The following ZNF263 variants were observed in gnomAD, a reference collection of about 807,000 sequenced individuals.
ZNF263 encodes zinc finger protein FPM315.
Under a neutral mutation model 63.1 loss-of-function variants are expected in ZNF263, and 49 were observed. The ratio of observed to expected loss-of-function variants is 0.78; its 90% CI spans 0.62 to 0.99. ZNF263 has a LOEUF of 0.99. Ranked by LOEUF, ZNF263 falls within the 50% of genes least tolerant of loss-of-function variation. ZNF263 has a pLI of 0.00. For missense variants in ZNF263, 872 were observed against 854.8 expected, an observed-to-expected ratio of 1.02 and a Z score of -0.25; for synonymous variants, 352 against 324.2, an observed-to-expected ratio of 1.09 and a Z score of -0.92.
In ZNF263 at chr16:3,297,033, A is replaced by C. The variant is rs8052682; in HGVS notation, c.152-2073A>C. 2.3e-3 allele frequency among the ~76,000 whole-genome samples: 352 copies of C among 152,036 alleles called. 3 individuals carry two copies. The highest frequency in any genetic ancestry group is 8.2e-3 in the African/African-American group (338 of 41,452). On this transcript the variant is annotated intron_variant, in intron 1 of 2. Transcript: ENST00000574674. ...TCATTAAAATTCACAGGCCGGGCGC[A>C]GTGGCTCACACCCGTAATCGCAGCA... is the stretch of plus-strand genomic sequence containing the variant.
Position 3,283,881 on chromosome 16 carries a change from C to T in ZNF263, c.63C>T (p.Asp21=), listed in dbSNP as rs1959240311. 2 of 1,609,508 alleles carry T rather than the reference C, an allele frequency of 1.2e-6. No individual in the cohort carries two copies. The highest frequency in any genetic ancestry group is 1.7e-6 in the Non-Finnish European group (2 of 1,178,386). Reference sequence around the variant, plus strand: ...TCCTGATAGTGAAGCTGGAGGAGGACTGCGCCTGGAGCCAGGAGCTGCCCC... The same window carrying T: ...TCCTGATAGTGAAGCTGGAGGAGGATTGCGCCTGGAGCCAGGAGCTGCCCC... ...EGLLIVKLEE[D]CAWSQELPPP... is the part of the protein sequence containing the mutation. The change falls in exon 1 of 6, where the codon GAC becomes GAT. Residue 21 remains aspartate, a synonymous_variant. Transcript: ENST00000219069.
chr16:3,285,556 G>A, intron 2 of ZNF263, 125 bp from the exon 3 acceptor site: 3 of 958,646 alleles, frequency 3.1e-6, no homozygotes, highest in Non-Finnish European at 3.3e-6. Context: ...TTAGGCCTCT[G>A]TGCAGTTTAG....
intron 2 of ZNF263, chr16:3,300,165 AG>A: frequency 6.2e-7 from 1 of 1,614,248 alleles, no homozygotes; most frequent in Non-Finnish European, 8.5e-7. Flanking sequence ...CAACATTTTC[AG>A]AAACTGAACT....
In ZNF263 at chr16:3,285,111, T is replaced by G; in HGVS notation, c.440T>G (p.Leu147Arg). The change falls in exon 2 of 6, where the codon CTG (leucine) becomes CGG (arginine). Residue 147 changes from leucine (L) to arginine (R), a missense_variant. By Grantham distance (102) the Leu-to-Arg change is moderately radical. Coordinates refer to ENST00000219069, the MANE Select transcript of ZNF263 (RefSeq NM_005741.5). ...GTGCTTTTGGAGGAGCCTTTGCCTC[T>G]GGAAACAGCACGAGAGTCACCGAGC... Reference protein sequence around the residue: ...TEVLLEEPLPLETARESPSFK... With the variant: ...TEVLLEEPLPRETARESPSFK... The G allele has an allele frequency of 6.2e-7, 1 of 1,614,146 alleles. No homozygotes were observed. Among genetic ancestry groups the G allele is most frequent in the Non-Finnish European group, 8.5e-7 (1 of 1,180,026 alleles).
At position 3,298,337 on chromosome 16, in the gene ZNF263, G is replaced by A. The variant is rs148443122; in HGVS notation, c.152-769G>A. ...ATTATGAAGACTAACATATATATACGATCCTATATACTCAATAAATGCTAA... is the reference window on the plus strand; with the variant it reads ...ATTATGAAGACTAACATATATATACAATCCTATATACTCAATAAATGCTAA... On this transcript the variant is annotated intron_variant, in intron 1 of 2. Transcript: ENST00000574674. Among the ~76,000 whole-genome samples, 12 of 152,242 alleles carry A rather than the reference G, an allele frequency of 7.9e-5. No individual in the cohort carries two copies. The East Asian group carries it at 2.3e-3, about 29-fold the overall frequency.
Position 3,289,528 on chromosome 16 carries a change from C to G in ZNF263, c.1022C>G (p.Ser341Trp). ...SPELGRPHDR[S>W]QGDWAPPPEG... ...GAGCTGGGAAGACCTCATGACCGGT[C>G]GCAAGGGGATTGGGCGCCTCCCCCA... is the stretch of plus-strand genomic sequence containing the variant. Residue 341 changes from serine to tryptophan, a missense_variant, in exon 6 of 6, where the codon TCG (serine) becomes TGG (tryptophan). Coordinates refer to ENST00000219069, the MANE Select transcript of ZNF263 (RefSeq NM_005741.5). 6.3e-7 allele frequency: 1 copy of G among 1,597,944 alleles called. No individual in the cohort carries two copies. The highest frequency in any genetic ancestry group is 8.5e-7 in the Non-Finnish European group (1 of 1,171,558).
rs1959528055 is a variant in ZNF263 at position 3,289,708 on chromosome 16, C to A, written c.1202C>A (p.Ala401Glu). Residue 401 changes from alanine (A) to glutamate (E), a missense_variant, in exon 6 of 6, where the codon GCA (alanine) becomes GAA (glutamate). Ala to Glu is a moderately radical substitution (Grantham distance 107). Coordinates refer to ENST00000219069, the MANE Select transcript of ZNF263 (RefSeq NM_005741.5). ...CTAATTAGGCACCAGAGAATACATG[C>A]AGCTGAAAGACTGTGTATGGGTGTG... ...SNLIRHQRIH[A>E]AERLCMGVDC... 6.2e-7 allele frequency: 1 copy of A among 1,614,236 alleles called. No homozygotes were observed.
downstream of ZNF263, among the ~76,000 whole-genome samples, chr16:3,293,988 C>G (rs553482813): frequency 4.8e-3 from 735 of 152,300 alleles, 8 homozygotes; most frequent in African/African-American, 0.017. Flanking sequence ...TGCAGTGGCA[C>G]GATCTCGGCT....
chr16:3,296,149 T>C (rs1959738679), downstream of ZNF263, among the ~76,000 whole-genome samples: 1 of 152,206 alleles, frequency 6.6e-6, no homozygotes. Context: ...ACACATCCCA[T>C]GGTGGTTTGT....
In ZNF263 at chr16:3,291,017, G is replaced by A. The variant is rs1223815284; in HGVS notation, c.*459G>A. The A allele has an allele frequency of 1.0e-6, 1 of 997,096 alleles. No homozygotes were observed. The highest frequency in any genetic ancestry group is 1.2e-6 in the Non-Finnish European group (1 of 835,596). The allele number at this position is 997,096 out of a possible 1,614,324, so 61.8% of individuals were successfully genotyped here. A position where few individuals can be genotyped will look rare whatever the true frequency, so the allele number is the denominator to read the frequency against. ...AAGTACCCTGGGAAATCAGCTGAAG[G>A]TCAACAAAAGACTGGTTGTGAGTTG... On this transcript the variant is annotated 3_prime_UTR_variant, in exon 6 of 6. Coordinates refer to ENST00000219069, the MANE Select transcript of ZNF263 (RefSeq NM_005741.5).
At chr16:3,289,010 C>T (rs1350930063) in intron 5 of ZNF263, among the ~76,000 whole-genome samples, 1 of 152,086 alleles carries the variant, frequency 6.6e-6, no homozygotes, top group African/African-American at 2.4e-5. Flanking sequence ...TACATTACGT[C>T]CTTTGACCCT....
chr16:3,293,978 TGCAGTGGCAC>T (rs1959680708), downstream of ZNF263, among the ~76,000 whole-genome samples: 1 of 152,218 alleles, frequency 6.6e-6, no homozygotes, highest in African/African-American at 2.4e-5. Context: ...CAGGCTGGAG[TGCAGTGGCAC>T]GATCTCGGCT....
At chr16:3,297,293 C>CAA (rs528444112) in intron 1 of ZNF263, among the ~76,000 whole-genome samples, 128 of 53,798 alleles carry the variant, frequency 2.4e-3, no homozygotes, top group African/African-American at 6.5e-3. Context: ...GACTCCATCT[C>CAA]AAAAAAAAAA....
downstream of ZNF263, among the ~76,000 whole-genome samples, chr16:3,292,423 G>A (rs190223207): frequency 1.5e-3 from 232 of 152,296 alleles, no homozygotes; most frequent in African/African-American, 5.4e-3. Flanking sequence ...GGTGGTGTGG[G>A]GGTTGAGGGC....
rs1385433880 is a variant in ZNF263, at chr16:3,290,695, T to C, written c.*137T>C. ...TAATGGGGGCTCATTGTGAGGGAGG[T>C]GCAGAGGCAGCAGAGGATTGGCATA... On this transcript the variant is annotated 3_prime_UTR_variant, in exon 6 of 6. Coordinates refer to ENST00000219069, the MANE Select transcript of ZNF263 (RefSeq NM_005741.5). 40 of 1,440,064 alleles carry C rather than the reference T, an allele frequency of 2.8e-5. No individual in the cohort carries two copies. The Admixed American group carries it at 4.9e-4, about 18-fold the overall frequency. The allele number at this position is 1,440,064 out of a possible 1,614,324, so 89.2% of individuals were successfully genotyped here.
At chr16:3,298,609 C>T (rs1959833270) in intron 1 of ZNF263, among the ~76,000 whole-genome samples, 1 of 152,022 alleles carries the variant, frequency 6.6e-6, no homozygotes, top group Non-Finnish European at 1.5e-5. Context: ...GTGTGTTTTA[C>T]CATTAAATTG....
chr16:3,290,859 G>T lies in ZNF263; in HGVS notation c.*301G>T. On this transcript the variant is annotated 3_prime_UTR_variant, in exon 6 of 6. Transcript: ENST00000219069. ...TCTTTTTAAAGCCAAGGTGCGATTT[G>T]GGCACCTGACTGTCCAGTTTACCTT... The T allele has an allele frequency of 9.0e-7, 1 of 1,114,078 alleles. No homozygotes were observed. Among genetic ancestry groups the T allele is most frequent in the South Asian group, 3.4e-5 (1 of 29,826 alleles). 69.0% of individuals were successfully genotyped at this position (1,114,078 alleles called of 1,614,324 possible). A position where few individuals can be genotyped will look rare whatever the true frequency, so the allele number is the denominator to read the frequency against.
downstream of ZNF263, among the ~76,000 whole-genome samples, chr16:3,293,885 A>G (rs979188651): frequency 1.3e-5 from 2 of 152,264 alleles, no homozygotes; most frequent in Non-Finnish European, 2.9e-5. Context: ...TTTGGGTCTC[A>G]GCACCATAAT....
intron 2 of ZNF263, 113 bp from the exon 3 acceptor site, chr16:3,285,568 G>C: frequency 9.1e-7 from 1 of 1,097,296 alleles, no homozygotes. Flanking sequence ...GCAGTTTAGC[G>C]TCATTCCCAA....
Sources: allele counts gnomAD v4.1 joint callset (sites outside exome capture counted in the v4.1 genomes callset), GRCh38; gene constraint gnomAD v4.1.1; transcripts MANE v1.5; gene names NCBI Gene and HGNC (gene_info 2026-07-23, HGNC 2026-07-21).